Variants in SLC25A51 observed in about 807,000 individuals in gnomAD.
The protein encoded by SLC25A51 is mitochondrial nicotinamide adenine dinucleotide transporter SLC25A51.
Under a neutral mutation model 19.1 loss-of-function variants are expected in SLC25A51, and 11 were observed. The ratio of observed to expected loss-of-function variants is 0.58; its 90% CI spans 0.36 to 0.96. The LOEUF (loss-of-function observed/expected upper bound fraction) is 0.96, where lower values mean the gene tolerates loss of function less well. SLC25A51 is among the 40% of genes least tolerant of loss of function. The probability of loss-of-function intolerance (pLI) is 0.01; values close to 1 mark genes in which losing one functional copy is unlikely to be tolerated. For synonymous variants in SLC25A51, 105 were observed against 133.6 expected (o/e 0.79, Z 1.47); for missense variants, 201 against 365.4 (o/e 0.55, Z 3.67).
At chr9:37,891,090 G>A (rs1564068377) in intron 2 of SLC25A51, among the ~76,000 whole-genome samples, 1 of 152,250 alleles carries the variant, frequency 6.6e-6, no homozygotes, top group Non-Finnish European at 1.5e-5. Flanking sequence ...GCGTATATCT[G>A]CCAGAGCCAC....
At chr9:37,900,590 G>A (rs1227286410) in intron 1 of SLC25A51, among the ~76,000 whole-genome samples, 1 of 151,888 alleles carries the variant, frequency 6.6e-6, no homozygotes, top group African/African-American at 2.4e-5. Context: ...CACCATGCTT[G>A]GCTAACTTTT....
chr9:37,898,416 G>A (rs768770789), intron 2 of SLC25A51, among the ~76,000 whole-genome samples: 21 of 152,186 alleles, frequency 1.4e-4, no homozygotes, highest in Admixed American at 4.6e-4. Flanking sequence ...TTAGCCAGGC[G>A]TGGTGGCGCA....
chr9:37,878,223 GA>G (rs1477564595), downstream of SLC25A51: 3 of 172,880 alleles, frequency 1.7e-5, no homozygotes, highest in Non-Finnish European at 4.2e-5. Context: ...CTAAGGACCA[GA>G]TTACAGCAGG....
chr9:37,888,020 C>G lies in SLC25A51; in HGVS notation c.531G>C (p.Val177=), dbSNP rs776597120. The G allele has an allele frequency of 5.0e-6, 8 of 1,612,424 alleles. No homozygotes were observed. The highest frequency in any genetic ancestry group is 6.8e-6 in the Non-Finnish European group (8 of 1,179,866). Reference sequence around the variant, plus strand: ...TGAGTCCATTCCGGAAAAGAATGGGCACCAAGCCTCGATAATACTCTCCAA... The same window carrying G: ...TGAGTCCATTCCGGAAAAGAATGGGGACCAAGCCTCGATAATACTCTCCAA... ...HGIGEYYRGL[V]PILFRNGLSN... The change falls in exon 3 of 3, where the codon GTG becomes GTC. Residue 177 remains valine, a synonymous_variant. Coordinates refer to ENST00000242275, the MANE Select transcript of SLC25A51 (RefSeq NM_033412.4).
downstream of SLC25A51, chr9:37,886,436 T>C (rs1831459766): frequency 2.6e-6 from 4 of 1,534,330 alleles, no homozygotes; most frequent in South Asian, 3.9e-5. Flanking sequence ...TTCCAGGCTC[T>C]TTCCATAACC....
downstream of SLC25A51, among the ~76,000 whole-genome samples, chr9:37,887,316 CAAA>C (rs367826068): frequency 2.4e-5 from 3 of 123,048 alleles, no homozygotes; most frequent in Admixed American, 8.4e-5. Context: ...GACTCTGCCT[CAAA>C]AAAAAAAAAA....
chr9:37,881,624 T>C (rs1219365031), exon 3 of SLC25A51: 1 of 152,094 alleles, frequency 6.6e-6, no homozygotes, highest in Non-Finnish European at 1.5e-5. Flanking sequence ...GCCCAGGCAA[T>C]AGAAACCCTG....
chr9:37,896,772 G>C lies in SLC25A51; in HGVS notation c.-43+3057C>G, dbSNP rs568403136. The stretch of plus-strand genomic sequence containing the variant: ...GATTGCACCACTGCACTCCAGCCTG[G>C]GTGACAAGTGCGAAGCTCTGTCTCA... On this transcript the variant is annotated intron_variant, in intron 2 of 2. Coordinates refer to ENST00000242275, the MANE Select transcript of SLC25A51 (RefSeq NM_033412.4). Among the ~76,000 whole-genome samples the C allele has an allele frequency of 5.9e-5, 9 of 152,288 alleles. No homozygotes were observed. In the South Asian group the frequency reaches 1.9e-3, roughly 32 times the overall value.
intron 2 of SLC25A51, among the ~76,000 whole-genome samples, chr9:37,896,976 C>T (rs1831729481): frequency 1.3e-5 from 2 of 152,168 alleles, no homozygotes; most frequent in Non-Finnish European, 1.5e-5. Flanking sequence ...ATCAAGGCCC[C>T]GTACAGCAGG....
chr9:37,902,543 A>G (rs954650985), intron 1 of SLC25A51, among the ~76,000 whole-genome samples: 7 of 152,236 alleles, frequency 4.6e-5, no homozygotes, highest in African/African-American at 1.7e-4. Flanking sequence ...TGTGCACAGC[A>G]TTATTTGGTA....
chr9:37,897,046 T>C (rs546811469), intron 2 of SLC25A51, among the ~76,000 whole-genome samples: 78 of 152,286 alleles, frequency 5.1e-4, no homozygotes, highest in African/African-American at 1.6e-3. Flanking sequence ...TCTATCTTAA[T>C]TTTAAATACT....
chr9:37,884,929 T>G (rs1196791102), downstream of SLC25A51, among the ~76,000 whole-genome samples: 2 of 152,220 alleles, frequency 1.3e-5, no homozygotes, highest in African/African-American at 4.8e-5. Flanking sequence ...ACAGGAACTT[T>G]CATAGCTCCT....
At chr9:37,885,434 C>T (rs897515083), downstream of SLC25A51, among the ~76,000 whole-genome samples, 3 of 151,456 alleles carry the variant, frequency 2.0e-5, no homozygotes, top group African/African-American at 7.3e-5. Flanking sequence ...AAGCTTTGCC[C>T]ATAACTCACT....
At chr9:37,895,397 G>C (rs1340105015) in intron 2 of SLC25A51, among the ~76,000 whole-genome samples, 2 of 146,710 alleles carry the variant, frequency 1.4e-5, no homozygotes, top group Non-Finnish European at 3.0e-5. Context: ...AAGGGGTCTT[G>C]TTATGTTAGC....
chr9:37,902,705 C>T (rs533209562), intron 1 of SLC25A51, among the ~76,000 whole-genome samples: 76 of 152,292 alleles, frequency 5.0e-4, no homozygotes, highest in Middle Eastern at 3.4e-3. Flanking sequence ...TTGTTTGCTA[C>T]GTAAAACTAT....
At chr9:37,890,563 G>A (rs565263569) in intron 2 of SLC25A51, among the ~76,000 whole-genome samples, 1 of 152,012 alleles carries the variant, frequency 6.6e-6, no homozygotes, top group Non-Finnish European at 1.5e-5. Flanking sequence ...AAATTTTTGG[G>A]GCATGATGGC....
rs190972139 is a variant in SLC25A51, at chr9:37,901,301, C to G, written c.-164-1351G>C. Among the ~76,000 whole-genome samples the G allele has an allele frequency of 8.5e-5, 13 of 152,258 alleles. No individual in the cohort carries two copies. The East Asian group carries it at 2.5e-3, about 29-fold the overall frequency. On this transcript the variant is annotated intron_variant, in intron 1 of 2. Coordinates refer to ENST00000242275, the MANE Select transcript of SLC25A51 (RefSeq NM_033412.4). ...TCTCCTGCCTCAGCCTCCCAAGTAG[C>G]TGGGATTACAGGCATGCCACAATAC...
intron 2 of SLC25A51, among the ~76,000 whole-genome samples, chr9:37,891,209 G>A (rs971581803): frequency 9.9e-5 from 15 of 152,096 alleles, no homozygotes; most frequent in Non-Finnish European, 1.3e-4. Flanking sequence ...GCCATCGCCC[G>A]GCCAGCCGCC....
chr9:37,885,354 A>AAC (rs1554693011), downstream of SLC25A51, among the ~76,000 whole-genome samples: 3 of 150,898 alleles, frequency 2.0e-5, no homozygotes, highest in Non-Finnish European at 4.4e-5. Flanking sequence ...AAAAAAAAAA[A>AAC]AAAAAAAAAA....
Sources: allele counts gnomAD v4.1 joint callset (sites outside exome capture counted in the v4.1 genomes callset), GRCh38; gene constraint gnomAD v4.1.1; transcripts MANE v1.5; gene names NCBI Gene and HGNC (gene_info 2026-07-23, HGNC 2026-07-21).